Variants in EXOC6B observed in about 807,000 individuals in gnomAD.
EXOC6B encodes the protein SEC15 homolog B.
In EXOC6B, 54 loss-of-function variants were observed where a neutral mutation model predicts 113.5. The ratio of observed to expected loss-of-function variants is 0.48; its 90% CI spans 0.38 to 0.60. EXOC6B has a LOEUF of 0.60. Ranked by LOEUF, EXOC6B falls within the 20% of genes least tolerant of loss-of-function variation. The probability of loss-of-function intolerance (pLI) is 0.00; values close to 1 mark genes in which losing one functional copy is unlikely to be tolerated. For missense variants in EXOC6B, 797 were observed against 977.5 expected (o/e 0.82, Z 2.46); for synonymous variants, 357 against 339.0 (o/e 1.05, Z -0.58).
chr2:72,263,119 A>G (rs1478498324), intron 20 of EXOC6B, among the ~76,000 whole-genome samples: 1 of 152,190 alleles, frequency 6.6e-6, no homozygotes, highest in Admixed American at 6.5e-5. Context: ...TTTCTTGTCA[A>G]TGGACTAAAC....
intron 6 of EXOC6B, among the ~76,000 whole-genome samples, chr2:72,698,962 C>A (rs1329015749): frequency 6.6e-6 from 1 of 152,108 alleles, no homozygotes; most frequent in Non-Finnish European, 1.5e-5. Flanking sequence ...TGATACGGAC[C>A]TTAATAATCT....
chr2:72,671,465 C>T (rs1234316886), intron 6 of EXOC6B, among the ~76,000 whole-genome samples: 2 of 152,076 alleles, frequency 1.3e-5, no homozygotes, highest in Non-Finnish European at 2.9e-5. Flanking sequence ...GAAGCTGAGG[C>T]GGGTGGATCA....
Position 72,566,069 on chromosome 2 carries a change from A to T in EXOC6B, c.847-6548T>A, listed in dbSNP as rs532004620. On this transcript the variant is annotated intron_variant, in intron 7 of 21. Transcript: ENST00000272427. ...TATGGTAAAATTCACTCTTTCTAGT[A>T]AACAATTCTGTAAGTTCTGACAAAT... Among the ~76,000 whole-genome samples the T allele has an allele frequency of 5.2e-4, 79 of 152,130 alleles. No individual in the cohort carries two copies. The South Asian group carries it at 0.015, about 28-fold the overall frequency.
intron 8 of EXOC6B, among the ~76,000 whole-genome samples, chr2:72,553,990 A>G (rs1447186410): frequency 3.3e-5 from 5 of 152,188 alleles, no homozygotes; most frequent in Non-Finnish European, 7.4e-5. Context: ...AGCTTTACAA[A>G]AAGTTTATAA....
intron 1 of EXOC6B, among the ~76,000 whole-genome samples, chr2:72,822,852 A>C (rs988338527): frequency 6.6e-6 from 1 of 152,172 alleles, no homozygotes; most frequent in African/African-American, 2.4e-5. Flanking sequence ...CGAGGTTTAC[A>C]ACTGAGAGTA....
At chr2:72,405,728 G>C (rs1044316776) in intron 18 of EXOC6B, among the ~76,000 whole-genome samples, 26 of 152,156 alleles carry the variant, frequency 1.7e-4, no homozygotes, top group Admixed American at 5.9e-4. Context: ...GGAACAACCA[G>C]TACCAGCCAC....
Position 72,344,452 on chromosome 2 carries a change from C to CTT in EXOC6B, c.2123-9434_2123-9433dup, listed in dbSNP as rs1165888281. On this transcript the variant is annotated intron_variant, in intron 19 of 21. Coordinates refer to ENST00000272427, the MANE Select transcript of EXOC6B (RefSeq NM_015189.3). Reference sequence around the variant, plus strand: ...TCCAGGAGCAGTTTCTGTTGATTTACTTTTTTTTTTTGCTTGCATGGGCAA... The same window carrying CTT: ...TCCAGGAGCAGTTTCTGTTGATTTACTTTTTTTTTTTTTGCTTGCATGGGCAA... 1.9e-4 allele frequency among the ~76,000 whole-genome samples: 27 copies of CTT among 145,608 alleles called. No homozygotes were observed. The East Asian group carries it at 4.8e-3, about 26-fold the overall frequency.
chr2:72,582,772 A>G (rs1705306514), intron 6 of EXOC6B, among the ~76,000 whole-genome samples: 1 of 152,248 alleles, frequency 6.6e-6, no homozygotes, highest in Admixed American at 6.5e-5. Flanking sequence ...ATGGTTCCTA[A>G]CCAAAACGGA....
chr2:72,805,306 G>A (rs1267811626), intron 1 of EXOC6B, among the ~76,000 whole-genome samples: 10 of 152,142 alleles, frequency 6.6e-5, no homozygotes, highest in East Asian at 1.9e-4. Flanking sequence ...GTCTGGTAAC[G>A]GACAAATTCT....
intron 8 of EXOC6B, among the ~76,000 whole-genome samples, chr2:72,538,546 T>C (rs1702428737): frequency 6.6e-6 from 1 of 152,160 alleles, no homozygotes. Context: ...GTGTGTATCT[T>C]ACACTTAACA....
At chr2:72,379,926 A>C in intron 18 of EXOC6B, 56 bp from the exon 19 acceptor site, 1 of 1,454,662 alleles carries the variant, frequency 6.9e-7, no homozygotes, top group Non-Finnish European at 9.1e-7. Context: ...AATTAAAATA[A>C]AATTTCAACA....
At chr2:72,716,051 T>C (rs1679593285) in intron 6 of EXOC6B, among the ~76,000 whole-genome samples, 1 of 152,198 alleles carries the variant, frequency 6.6e-6, no homozygotes, top group Non-Finnish European at 1.5e-5. Flanking sequence ...ATGAGTGAGA[T>C]TACATTTTCC....
At chr2:72,272,303 C>A (rs1684541583) in intron 20 of EXOC6B, among the ~76,000 whole-genome samples, 1 of 152,132 alleles carries the variant, frequency 6.6e-6, no homozygotes, top group Non-Finnish European at 1.5e-5. Flanking sequence ...TCCCTGTCAT[C>A]TAGGGAAAAT....
intron 20 of EXOC6B, among the ~76,000 whole-genome samples, chr2:72,323,617 A>C (rs1687966885): frequency 6.6e-6 from 1 of 152,182 alleles, no homozygotes; most frequent in Non-Finnish European, 1.5e-5. Flanking sequence ...TGGATAAAGA[A>C]AATGTGGCAC....
intron 6 of EXOC6B, among the ~76,000 whole-genome samples, chr2:72,653,966 A>AT (rs1229189206): frequency 2.0e-4 from 18 of 90,518 alleles, no homozygotes; most frequent in African/African-American, 8.8e-4. Context: ...CATGAATTTT[A>AT]TTTATTTTTT....
intron 18 of EXOC6B, among the ~76,000 whole-genome samples, chr2:72,407,268 C>T (rs943819190): frequency 3.3e-5 from 5 of 152,162 alleles, no homozygotes; most frequent in African/African-American, 1.2e-4. Flanking sequence ...GGATTCACAG[C>T]TGAATTCTAC....
chr2:72,618,330 T>A (rs1283873554), intron 6 of EXOC6B, among the ~76,000 whole-genome samples: 1 of 151,796 alleles, frequency 6.6e-6, no homozygotes, highest in East Asian at 1.9e-4. Context: ...AATCGCACCA[T>A]TGCACTCCAG....
rs892259154 is a variant in EXOC6B at position 72,773,508 on chromosome 2, A to T, written c.114-32039T>A. Among the ~76,000 whole-genome samples the T allele has an allele frequency of 6.6e-5, 10 of 151,966 alleles. No individual in the cohort carries two copies. The South Asian group carries it at 1.4e-3, about 22-fold the overall frequency. ...GAATATGTTAATTAGCACAATTTTA[A>T]TAATCATTTCACAATGTGTATATAT... is the stretch of plus-strand genomic sequence containing the variant. On this transcript the variant is annotated intron_variant, in intron 1 of 21. Transcript: ENST00000272427.
chr2:72,808,554 T>C (rs1223575242), intron 1 of EXOC6B, among the ~76,000 whole-genome samples: 1 of 151,910 alleles, frequency 6.6e-6, no homozygotes, highest in African/African-American at 2.4e-5. Context: ...AGCCCAGAAG[T>C]TCAAGACCAG....
Sources: allele counts gnomAD v4.1 joint callset (sites outside exome capture counted in the v4.1 genomes callset), GRCh38; gene constraint gnomAD v4.1.1; transcripts MANE v1.5; gene names NCBI Gene and HGNC (gene_info 2026-07-23, HGNC 2026-07-21).